The following ACER1 variants were observed in gnomAD, a reference collection of about 807,000 sequenced individuals.
ACER1 encodes the protein CTB-180A7.3.
A neutral mutation model predicts 24.9 loss-of-function variants in ACER1; 28 were observed. That is an observed-to-expected ratio of 1.13 (90% CI 0.83 to 1.54). ACER1 has a LOEUF of 1.54. ACER1 is among the 40% of genes most tolerant of loss of function. The pLI, the probability that ACER1 is intolerant of heterozygous loss-of-function variation, is 0.00. For synonymous variants in ACER1, 132 were observed against 131.4 expected, an observed-to-expected ratio of 1.00 and a Z score of -0.03; for missense variants, 352 against 349.3, an observed-to-expected ratio of 1.01 and a Z score of -0.06.
chr19:6,360,360 G>A, the ACER1 span: 1 of 151,644 alleles, frequency 6.6e-6, no homozygotes, highest in Admixed American at 6.6e-5. Context: ...CTTCCAAGAT[G>A]AGCTGTGGGA....
chr19:6,354,746 C>T, the ACER1 span, among the ~76,000 whole-genome samples: 1 of 152,138 alleles, frequency 6.6e-6, no homozygotes, highest in African/African-American at 2.4e-5. Flanking sequence ...ATATCGATAC[C>T]TTGTCTCTAC....
the ACER1 span, among the ~76,000 whole-genome samples, chr19:6,356,375 C>T: frequency 0.031 from 4,394 of 141,824 alleles, 106 homozygotes; most frequent in African/African-American, 0.05. Context: ...ACCAGAGACC[C>T]TTGTTCACTT....
At chr19:6,319,899 G>A (rs556204148) in intron 1 of ACER1, among the ~76,000 whole-genome samples, 1 of 152,120 alleles carries the variant, frequency 6.6e-6, no homozygotes, top group East Asian at 1.9e-4. Flanking sequence ...ATCACTTGAG[G>A]TCAGGAGTTC....
At chr19:6,344,831 A>ATTTATTTTATTTTAT in the ACER1 span, among the ~76,000 whole-genome samples, 3,196 of 150,566 alleles carry the variant, frequency 0.021, 90 homozygotes, top group African/African-American at 0.074. Context: ...ACAACAATCA[A>ATTTATTTTATTTTAT]TTTATTTTAT....
chr19:6,306,912 G>T, intron 5 of ACER1, 30 bp from the exon 6 acceptor site: 1 of 1,594,860 alleles, frequency 6.3e-7, no homozygotes, highest in Non-Finnish European at 8.6e-7. Context: ...GGTGGCGAGG[G>T]CACAAGATAC....
chr19:6,340,370 A>T, the ACER1 span, among the ~76,000 whole-genome samples: 1 of 126,544 alleles, frequency 7.9e-6, no homozygotes, highest in Non-Finnish European at 1.7e-5. Context: ...GAAGGAAGGA[A>T]GGAAGAAAAA....
chr19:6,357,829 A>G, the ACER1 span, among the ~76,000 whole-genome samples: 1 of 152,096 alleles, frequency 6.6e-6, no homozygotes, highest in African/African-American at 2.4e-5. Flanking sequence ...AAGAGACAGT[A>G]GGTCACAGTG....
the ACER1 span, among the ~76,000 whole-genome samples, chr19:6,344,831 A>ATTTATTTTATTTTATTTTATTTTAT: frequency 0.017 from 2,560 of 150,552 alleles, 20 homozygotes; most frequent in Non-Finnish European, 0.027. Context: ...ACAACAATCA[A>ATTTATTTTATTTTATTTTATTTTAT]TTTATTTTAT....
At chr19:6,331,047 G>A (rs1295428383) in intron 1 of ACER1, among the ~76,000 whole-genome samples, 1 of 149,632 alleles carries the variant, frequency 6.7e-6, no homozygotes, top group Non-Finnish European at 1.5e-5. Flanking sequence ...AAAATGGGAT[G>A]AAGTCTGTAT....
intron 4 of ACER1, among the ~76,000 whole-genome samples, chr19:6,307,683 C>T (rs889762675): frequency 8.6e-5 from 13 of 151,704 alleles, no homozygotes; most frequent in Middle Eastern, 3.4e-3. Context: ...TCCGGTTACT[C>T]GGGAGGCTGA....
the ACER1 span, among the ~76,000 whole-genome samples, chr19:6,338,725 C>T: frequency 1.3e-5 from 2 of 152,018 alleles, no homozygotes; most frequent in Non-Finnish European, 2.9e-5. Flanking sequence ...GTAGCTGGGA[C>T]TACAGGCCAG....
chr19:6,330,071 C>T (rs2145018403), intron 1 of ACER1, among the ~76,000 whole-genome samples: 1 of 151,878 alleles, frequency 6.6e-6, no homozygotes, highest in African/African-American at 2.4e-5. Flanking sequence ...CGGGGTTTCA[C>T]CGTGTTAGCC....
rs771783022 is a variant in ACER1 at position 6,312,235 on chromosome 19, G to A, written c.264C>T (p.Asp88=). 18 of 1,614,068 alleles carry A rather than the reference G, an allele frequency of 1.1e-5. No homozygotes were observed. The Middle Eastern group carries it at 1.2e-3, about 104-fold the overall frequency. The change falls in exon 3 of 6, where the codon GAC becomes GAT. Residue 88 remains aspartate (D), a synonymous_variant. Coordinates refer to ENST00000301452, the MANE Select transcript of ACER1 (RefSeq NM_133492.3). Reference sequence around the variant, plus strand: ...CCAGGAGCCACAGGATGGCGATCTCGTCCAGCAGCTGGCCCAGGAAGCTGA... The same window carrying A: ...CCAGGAGCCACAGGATGGCGATCTCATCCAGCAGCTGGCCCAGGAAGCTGA... ...MTLSFLGQLL[D]EIAILWLLGS...
chr19:6,345,580 T>G, the ACER1 span, among the ~76,000 whole-genome samples: 5 of 150,092 alleles, frequency 3.3e-5, no homozygotes, highest in Non-Finnish European at 7.5e-5. Context: ...TTTTTTTTTT[T>G]TTCAAATGGA....
At chr19:6,310,705 C>A (rs2091575172) in intron 3 of ACER1, among the ~76,000 whole-genome samples, 1 of 151,418 alleles carries the variant, frequency 6.6e-6, no homozygotes, top group African/African-American at 2.4e-5. Flanking sequence ...ATGGCAAAAC[C>A]CTGTCTCTAC....
intron 1 of ACER1, 124 bp downstream of exon 1, chr19:6,333,335 A>T: frequency 2.8e-6 from 2 of 712,942 alleles, no homozygotes; most frequent in East Asian, 6.2e-5. Context: ...TGGCTAACAG[A>T]TGAGAAAACT....
Position 6,315,245 on chromosome 19 carries a change from C to T in ACER1, c.94-2746G>A, listed in dbSNP as rs557887908. ...TTGAGACAGGGTCTCTCTCTGTTGC[C>T]GAGGCTGGAATGCAGTGACACGATC... On this transcript the variant is annotated intron_variant, in intron 1 of 5. Transcript: ENST00000301452. Among the ~76,000 whole-genome samples the T allele has an allele frequency of 8.6e-5, 13 of 151,584 alleles. No homozygotes were observed. The East Asian group carries it at 1.9e-3, about 23-fold the overall frequency.
intron 1 of ACER1, among the ~76,000 whole-genome samples, chr19:6,315,958 T>G (rs1177792695): frequency 1.3e-5 from 2 of 151,748 alleles, no homozygotes. Context: ...TGAAACCCCA[T>G]CTCTACAAAA....
intron 1 of ACER1, among the ~76,000 whole-genome samples, chr19:6,332,066 A>C (rs2091690094): frequency 1.3e-5 from 2 of 149,078 alleles, no homozygotes; most frequent in South Asian, 4.2e-4. Flanking sequence ...TCCTGGGTTC[A>C]AGCCATTCTC....
Sources: allele counts gnomAD v4.1 joint callset (sites outside exome capture counted in the v4.1 genomes callset), GRCh38; gene constraint gnomAD v4.1.1; transcripts MANE v1.5; gene names NCBI Gene and HGNC (gene_info 2026-07-23, HGNC 2026-07-21).